Variants in CHTOP observed in about 807,000 individuals in gnomAD.
CHTOP encodes chromatin target of PRMT1 protein.
Under a neutral mutation model 33.6 loss-of-function variants are expected in CHTOP, and 18 were observed. That is an observed-to-expected ratio of 0.54 (90% CI 0.37 to 0.80). The LOEUF (loss-of-function observed/expected upper bound fraction) is 0.80, where lower values mean the gene tolerates loss of function less well. CHTOP is among the 30% of genes least tolerant of loss of function. CHTOP has a pLI of 0.00. For missense variants in CHTOP, 263 were observed against 336.8 expected, an observed-to-expected ratio of 0.78 and a Z score of 1.71; for synonymous variants, 117 against 127.7, an observed-to-expected ratio of 0.92 and a Z score of 0.56.
intron 2 of CHTOP, chr1:153,636,857 T>A (rs1255534758): frequency 1.8e-6 from 1 of 548,650 alleles, no homozygotes; most frequent in African/African-American, 1.9e-5. Context: ...TATGTTAAGC[T>A]GTCTGAAGTA....
At chr1:153,635,959 G>T (rs766705817) in intron 1 of CHTOP, among the ~76,000 whole-genome samples, 2 of 152,060 alleles carry the variant, frequency 1.3e-5, no homozygotes, top group African/African-American at 4.8e-5. Flanking sequence ...AAGAGATGGG[G>T]TCTCAGGCCA....
intron 3 of CHTOP, among the ~76,000 whole-genome samples, chr1:153,641,680 T>A (rs1043693261): frequency 6.6e-6 from 1 of 152,240 alleles, no homozygotes; most frequent in Non-Finnish European, 1.5e-5. Flanking sequence ...GTGGACCGTC[T>A]GGAAATAGAT....
intron 5 of CHTOP, 117 bp downstream of exon 5, chr1:153,643,481 T>C (rs944022505): frequency 2.0e-5 from 23 of 1,121,954 alleles, no homozygotes; most frequent in Non-Finnish European, 2.7e-5. Flanking sequence ...TTGTCTTGTT[T>C]TGTTATTTGA....
chr1:153,642,397 G>A lies in CHTOP; in HGVS notation c.371G>A (p.Arg124Lys), dbSNP rs942120799. ...GGACTACGTGGGGGACGTGCCACCAGAACCCTACTTAGGGGCGGGATGTCA... is the reference window on the plus strand; with the variant it reads ...GGACTACGTGGGGGACGTGCCACCAAAACCCTACTTAGGGGCGGGATGTCA... Reference protein sequence around the residue: ...RGGLRGGRATRTLLRGGMSLR... With the variant: ...RGGLRGGRATKTLLRGGMSLR... Residue 124 changes from arginine (R) to lysine (K), a missense_variant, in exon 4 of 6, where the codon AGA becomes AAA. Arg to Lys is a conservative substitution (Grantham distance 26). Around this residue, in one of 3 missense-constraint regions of CHTOP, gnomAD observed 168 missense variants for 179.9 expected, o/e 0.93. Coordinates refer to ENST00000368694, the MANE Select transcript of CHTOP (RefSeq NM_015607.4). The A allele has an allele frequency of 6.2e-7, 1 of 1,614,010 alleles. No individual in the cohort carries two copies.
At chr1:153,639,389 A>G in intron 3 of CHTOP, 1 of 980,400 alleles carries the variant, frequency 1.0e-6, no homozygotes, top group Non-Finnish European at 1.2e-6. Context: ...AAGTCCGGAC[A>G]GTGGCTGTGG....
In CHTOP at chr1:153,636,605, C is replaced by T. The variant is rs745985432; in HGVS notation, c.17C>T (p.Ala6Val). The change falls in exon 2 of 6, where the codon GCG (alanine) becomes GTG (valine). Residue 6 changes from alanine to valine, a missense_variant. By Grantham distance (64) the Ala-to-Val change is moderately conservative. Coordinates refer to ENST00000368694, the MANE Select transcript of CHTOP (RefSeq NM_015607.4). ...GATTCGAAGATGGCTGCACAGTCAG[C>T]GCCGAAAGTTGTGCTAAAAAGCACC... MAAQS[A>V]PKVVLKSTTK... 41 of 1,613,460 alleles carry T rather than the reference C, an allele frequency of 2.5e-5. No homozygotes were observed. Among genetic ancestry groups the T allele is most frequent in the East Asian group, 4.5e-5 (2 of 44,844 alleles).
intron 3 of CHTOP, among the ~76,000 whole-genome samples, chr1:153,641,672 G>A (rs572960481): frequency 6.6e-6 from 1 of 152,300 alleles, no homozygotes; most frequent in South Asian, 2.1e-4. Context: ...GGTAAAAAGT[G>A]GACCGTCTGG....
At chr1:153,641,838 G>C (rs1029747202) in intron 3 of CHTOP, among the ~76,000 whole-genome samples, 1 of 152,194 alleles carries the variant, frequency 6.6e-6, no homozygotes, top group Non-Finnish European at 1.5e-5. Flanking sequence ...GAAGACAGTG[G>C]TAGTCCATGG....
chr1:153,642,174 G>C, intron 3 of CHTOP, 72 bp from the exon 4 acceptor site: 1 of 1,321,260 alleles, frequency 7.6e-7, no homozygotes, highest in South Asian at 1.4e-5. Flanking sequence ...CTTTTTCTCT[G>C]CACTTTGAGT....
chr1:153,643,631 A>C (rs1668704283), intron 5 of CHTOP: 1 of 305,014 alleles, frequency 3.3e-6, no homozygotes, highest in East Asian at 6.4e-5. Flanking sequence ...TGTATAGTTG[A>C]AAATACCCCC....
chr1:153,644,434 C>T (rs1167923826), intron 5 of CHTOP: 1 of 152,240 alleles, frequency 6.6e-6, no homozygotes, highest in African/African-American at 2.4e-5. Flanking sequence ...CCACAATTGT[C>T]AGTTGTCATA....
intron 3 of CHTOP, among the ~76,000 whole-genome samples, chr1:153,640,329 C>A (rs542832883): frequency 6.7e-6 from 1 of 149,446 alleles, no homozygotes; most frequent in Non-Finnish European, 1.5e-5. Context: ...AAAAAAAAGC[C>A]GGGCATGGTG....
rs917666960 is a variant in CHTOP, at chr1:153,636,603, A to C, written c.15A>C (p.Ser5=). ...GGGATTCGAAGATGGCTGCACAGTC[A>C]GCGCCGAAAGTTGTGCTAAAAAGCA... MAAQ[S]APKVVLKSTT... The change falls in exon 2 of 6, where the codon TCA becomes TCC. Residue 5 remains serine (S), a synonymous_variant. Transcript: ENST00000368694. 12 of 1,613,490 alleles carry C rather than the reference A, an allele frequency of 7.4e-6. No individual in the cohort carries two copies. Among genetic ancestry groups the C allele is most frequent in the Non-Finnish European group, 8.5e-7 (1 of 1,179,568 alleles).
At chr1:153,634,452 G>A (rs1668233937) in intron 1 of CHTOP, 109 bp downstream of exon 1, 1 of 153,024 alleles carries the variant, frequency 6.5e-6, no homozygotes, top group Non-Finnish European at 1.5e-5. Flanking sequence ...CTACGGTGTT[G>A]GAGCGTGGAG....
chr1:153,645,035 T>C, intron 5 of CHTOP, 29 bp from the exon 6 acceptor site: 1 of 294,906 alleles, frequency 3.4e-6, no homozygotes, highest in Non-Finnish European at 5.2e-6. Flanking sequence ...TAACTGTCTC[T>C]TTTTTTTTTT....
At chr1:153,643,536 T>A (rs1668700587) in intron 5 of CHTOP, 172 bp downstream of exon 5, 1 of 617,146 alleles carries the variant, frequency 1.6e-6, no homozygotes, top group Non-Finnish European at 2.5e-6. Context: ...TGCAAAAGTC[T>A]CATGATTTTT....
rs760152308 is a variant in CHTOP at position 153,638,484 on chromosome 1, G to A, written c.219+36G>A. 3 of 1,613,334 alleles carry A rather than the reference G, an allele frequency of 1.9e-6. No individual in the cohort carries two copies. The African/African-American group carries it at 4.0e-5, about 22-fold the overall frequency. On this transcript the variant is annotated intron_variant, in intron 3 of 5. Coordinates refer to ENST00000368694, the MANE Select transcript of CHTOP (RefSeq NM_015607.4). ...GGGTCTTAATGCTCCAGAAGCAGCT[G>A]GTGATCTCTGTGAGGGAGTCCACTG...
chr1:153,644,943 CT>C (rs1168747291), intron 5 of CHTOP, 120 bp from the exon 6 acceptor site: 1 of 830,042 alleles, frequency 1.2e-6, no homozygotes, highest in Non-Finnish European at 1.8e-6. Context: ...GATTTCTCCT[CT>C]TTGCCCTGCC....
chr1:153,642,470 C>T (rs774541934), intron 4 of CHTOP, 41 bp downstream of exon 4: 1 of 1,501,358 alleles, frequency 6.7e-7, no homozygotes, highest in South Asian at 1.3e-5. Flanking sequence ...GCCCTACTCC[C>T]TTCCCTTTTC....
Sources: gnomAD v4.1 joint callset for allele counts (sites outside exome capture counted in the v4.1 genomes callset) on GRCh38, gnomAD v4.1.1 for gene constraint, gnomAD v4.1.1 regional missense constraint, MANE v1.5 for transcripts, NCBI Gene and HGNC (gene_info 2026-07-23, HGNC 2026-07-21) for gene names.